The following IQCJ variants were observed in gnomAD, a reference collection of about 807,000 sequenced individuals.
The protein encoded by IQCJ is IQ domain-containing protein J.
In IQCJ, 9 loss-of-function variants were observed where a neutral mutation model predicts 11.0. The observed-to-expected ratio is 0.82, with a 90% confidence interval of 0.49 to 1.43. IQCJ has a LOEUF of 1.43. Among genes scored for constraint, IQCJ ranks in the 40% most tolerant of loss-of-function variants. IQCJ has a pLI of 0.00. For synonymous variants in IQCJ, 55 were observed against 51.3 expected (o/e 1.07, Z -0.31); for missense variants, 146 against 133.2 (o/e 1.10, Z -0.47).
chr3:159,132,717 C>T (rs1039935760), intron 1 of IQCJ, among the ~76,000 whole-genome samples: 2 of 152,074 alleles, frequency 1.3e-5, no homozygotes, highest in Admixed American at 1.3e-4. Context: ...AGGAAGATGT[C>T]GTATCTAGTT....
chr3:159,257,874 G>C (rs1296975847), intron 3 of IQCJ, among the ~76,000 whole-genome samples: 2 of 152,142 alleles, frequency 1.3e-5, no homozygotes, highest in Non-Finnish European at 2.9e-5. Flanking sequence ...CGTAAGGAGG[G>C]AACAAACGTA....
chr3:159,121,621 G>A (rs929015305), intron 1 of IQCJ, among the ~76,000 whole-genome samples: 5 of 152,058 alleles, frequency 3.3e-5, no homozygotes, highest in African/African-American at 1.2e-4. Flanking sequence ...TTTTATAACT[G>A]GCCTAAAAAT....
chr3:159,215,538 G>A (rs186726784), intron 1 of IQCJ, among the ~76,000 whole-genome samples: 48 of 152,262 alleles, frequency 3.2e-4, no homozygotes, highest in East Asian at 5.8e-4. Context: ...CAGCAAAGGC[G>A]TTACAACTGT....
intron 1 of IQCJ, among the ~76,000 whole-genome samples, chr3:159,086,399 T>G (rs539921714): frequency 6.4e-4 from 97 of 152,216 alleles, no homozygotes; most frequent in African/African-American, 1.2e-3. Flanking sequence ...TGGCGATGCG[T>G]GCTCTTTTTT....
chr3:159,209,916 G>A (rs1022103554), intron 1 of IQCJ, among the ~76,000 whole-genome samples: 3 of 152,184 alleles, frequency 2.0e-5, no homozygotes, highest in African/African-American at 7.2e-5. Flanking sequence ...CCCTTGAGTA[G>A]TTTATATTGT....
intron 1 of IQCJ, 122 bp from the exon 2 acceptor site, chr3:159,245,721 C>T (rs1727230431): frequency 2.6e-6 from 2 of 769,976 alleles, no homozygotes; most frequent in Non-Finnish European, 4.1e-6. Flanking sequence ...CTCGGCCTCC[C>T]AAAGTGCAGT....
intron 1 of IQCJ, among the ~76,000 whole-genome samples, chr3:159,242,522 GGAA>G (rs1241607071): frequency 2.6e-5 from 4 of 151,206 alleles, no homozygotes; most frequent in Admixed American, 6.6e-5. Context: ...GATCCAGGCA[GGAA>G]GAAGAAGGAA....
At chr3:159,234,590 G>T (rs1726464317) in intron 1 of IQCJ, among the ~76,000 whole-genome samples, 1 of 152,096 alleles carries the variant, frequency 6.6e-6, no homozygotes, top group Non-Finnish European at 1.5e-5. Flanking sequence ...CATTGCTTGA[G>T]ACCAGGAGAT....
intron 1 of IQCJ, among the ~76,000 whole-genome samples, chr3:159,072,166 A>G (rs1715606606): frequency 6.6e-6 from 1 of 152,144 alleles, no homozygotes; most frequent in Admixed American, 6.5e-5. Context: ...ATATGGTTTG[A>G]GAATTGCATT....
At chr3:159,258,714 A>T (rs538930033) in intron 3 of IQCJ, among the ~76,000 whole-genome samples, 77 of 152,304 alleles carry the variant, frequency 5.1e-4, no homozygotes, top group Admixed American at 2.2e-3. Context: ...GTAACATATA[A>T]AAAATAGTAC....
At chr3:159,090,707 T>C (rs55941635) in intron 1 of IQCJ, among the ~76,000 whole-genome samples, 83,009 of 151,632 alleles carry the variant, frequency 0.55, 25,895 homozygotes, top group Non-Finnish European at 0.69. Context: ...CAGCGGCCTC[T>C]CTTTCCACAG....
chr3:159,108,066 A>G (rs1162547736), intron 1 of IQCJ, among the ~76,000 whole-genome samples: 1 of 151,994 alleles, frequency 6.6e-6, no homozygotes, highest in Non-Finnish European at 1.5e-5. Flanking sequence ...CATGAAAAGA[A>G]CTTTAATATA....
At chr3:159,238,002 T>C (rs1421403885) in intron 1 of IQCJ, among the ~76,000 whole-genome samples, 2 of 152,116 alleles carry the variant, frequency 1.3e-5, no homozygotes, top group Non-Finnish European at 2.9e-5. Flanking sequence ...ATTTACATAG[T>C]TGTGGCAGAG....
At chr3:159,114,094 A>C (rs1166943196) in intron 1 of IQCJ, among the ~76,000 whole-genome samples, 1 of 152,280 alleles carries the variant, frequency 6.6e-6, no homozygotes, top group African/African-American at 2.4e-5. Context: ...AATTTAGTGT[A>C]AAATTGGCAC....
chr3:159,247,080 T>A (rs936745145), intron 2 of IQCJ, among the ~76,000 whole-genome samples: 6 of 152,268 alleles, frequency 3.9e-5, no homozygotes, highest in South Asian at 4.1e-4. Flanking sequence ...GCTTATTTAA[T>A]CAGAGTTCTT....
chr3:159,124,884 T>A (rs997168299), intron 1 of IQCJ, among the ~76,000 whole-genome samples: 1 of 152,178 alleles, frequency 6.6e-6, no homozygotes, highest in Non-Finnish European at 1.5e-5. Flanking sequence ...TTTATGCTGT[T>A]CCAGACACTA....
At chr3:159,249,902 T>TACACACACACACACACACACAC (rs10567080) in intron 2 of IQCJ, among the ~76,000 whole-genome samples, 187 of 150,636 alleles carry the variant, frequency 1.2e-3, no homozygotes, top group Middle Eastern at 3.4e-3. Context: ...TGCATTTGTG[T>TACACACACACACACACACACAC]ACACACACAC....
chr3:159,082,516 G>A (rs761736403), intron 1 of IQCJ, among the ~76,000 whole-genome samples: 1 of 151,742 alleles, frequency 6.6e-6, no homozygotes, highest in Non-Finnish European at 1.5e-5. Flanking sequence ...TCCAGCTAGT[G>A]TTGAGGCGAG....
chr3:159,193,794 G>A (rs1218622939), intron 1 of IQCJ, among the ~76,000 whole-genome samples: 2 of 152,184 alleles, frequency 1.3e-5, no homozygotes, highest in Admixed American at 6.5e-5. Flanking sequence ...TCACTGGCAG[G>A]CGGGACGTTG....
Sources: allele counts gnomAD v4.1 joint callset (sites outside exome capture counted in the v4.1 genomes callset), GRCh38; gene constraint gnomAD v4.1.1; transcripts MANE v1.5; gene names NCBI Gene and HGNC (gene_info 2026-07-23, HGNC 2026-07-21).